Variants in CAST observed in about 807,000 individuals in gnomAD.
The protein encoded by CAST is MIR583 host.
A neutral mutation model predicts 119.6 loss-of-function variants in CAST; 76 were observed. The ratio of observed to expected loss-of-function variants is 0.64; its 90% CI spans 0.53 to 0.77. The LOEUF is 0.77. CAST is among the 30% of genes least tolerant of loss of function. The pLI is 0.00. For missense variants in CAST, 953 were observed against 946.5 expected, an observed-to-expected ratio of 1.01 and a Z score of -0.09; for synonymous variants, 319 against 331.6, an observed-to-expected ratio of 0.96 and a Z score of 0.41.
chr5:96,454,343 T>C, the CAST span, among the ~76,000 whole-genome samples: 2 of 152,226 alleles, frequency 1.3e-5, no homozygotes, highest in South Asian at 2.1e-4. Context: ...AAGCCTATAT[T>C]TGAACCTAGG....
the CAST span, among the ~76,000 whole-genome samples, chr5:96,333,402 C>T: frequency 1.3e-5 from 2 of 152,164 alleles, no homozygotes; most frequent in South Asian, 2.1e-4. Flanking sequence ...CCTAGGTGGC[C>T]GGGCAAGTCT....
the CAST span, among the ~76,000 whole-genome samples, chr5:96,479,742 C>A: frequency 6.9e-3 from 1,047 of 152,198 alleles, 11 homozygotes; most frequent in African/African-American, 0.024. Context: ...GCCATGGCAC[C>A]CGGCTGGCAC....
chr5:96,746,555 A>T (rs1430419905), intron 17 of CAST, 130 bp downstream of exon 17: 1 of 716,964 alleles, frequency 1.4e-6, no homozygotes, highest in East Asian at 2.5e-5. Flanking sequence ...AAAACCCTGA[A>T]CCTTTTTTTC....
chr5:96,026,977 G>A, the CAST span, among the ~76,000 whole-genome samples: 7 of 152,124 alleles, frequency 4.6e-5, no homozygotes, highest in Non-Finnish European at 7.4e-5. Context: ...AGGAGACTGA[G>A]AAGCAGGAGG....
intron 1 of CAST, among the ~76,000 whole-genome samples, chr5:96,627,459 T>C (rs1401995917): frequency 1.3e-5 from 2 of 152,214 alleles, no homozygotes; most frequent in African/African-American, 4.8e-5. Context: ...ATGTTACATA[T>C]AACTTTTTCT....
chr5:96,539,340 A>G (rs138960983), intron 1 of CAST, among the ~76,000 whole-genome samples: 12 of 152,350 alleles, frequency 7.9e-5, no homozygotes, highest in Admixed American at 7.2e-4. Flanking sequence ...ATAAATATTT[A>G]GAATTGCATG....
chr5:96,473,032 T>G, the CAST span, among the ~76,000 whole-genome samples: 1 of 152,220 alleles, frequency 6.6e-6, no homozygotes, highest in Non-Finnish European at 1.5e-5. Flanking sequence ...TGTATGGGTC[T>G]CTGTGTCCAG....
chr5:96,111,449 A>G, the CAST span, among the ~76,000 whole-genome samples: 2 of 152,188 alleles, frequency 1.3e-5, no homozygotes, highest in Non-Finnish European at 2.9e-5. Flanking sequence ...GATTAGCTCA[A>G]TCTCCAGCTC....
the CAST span, among the ~76,000 whole-genome samples, chr5:96,049,889 CA>C: frequency 0.14 from 4,905 of 34,036 alleles, 9 homozygotes; most frequent in Non-Finnish European, 0.17. Context: ...GAACAGGAGG[CA>C]AAAAAAAAAA....
the CAST span, among the ~76,000 whole-genome samples, chr5:96,359,279 T>C: frequency 1.7e-3 from 254 of 152,322 alleles, 1 homozygote; most frequent in African/African-American, 5.9e-3. Context: ...GGGTCTTGAC[T>C]CTTTTTCCAA....
At chr5:96,060,164 G>C in the CAST span, among the ~76,000 whole-genome samples, 1 of 152,160 alleles carries the variant, frequency 6.6e-6, no homozygotes, top group African/African-American at 2.4e-5. Flanking sequence ...GGATCAGAAA[G>C]AGTTTGCATT....
the CAST span, among the ~76,000 whole-genome samples, chr5:96,249,712 C>T: frequency 6.6e-6 from 1 of 152,186 alleles, no homozygotes; most frequent in South Asian, 2.1e-4. Flanking sequence ...ATCCACTTCA[C>T]AGGGACACAA....
the CAST span, among the ~76,000 whole-genome samples, chr5:96,061,062 A>G: frequency 4.0e-5 from 6 of 151,890 alleles, no homozygotes; most frequent in African/African-American, 1.5e-4. Flanking sequence ...AACCGTTAGG[A>G]CTCCATTCAA....
At chr5:96,469,561 C>A in the CAST span, among the ~76,000 whole-genome samples, 4 of 151,798 alleles carry the variant, frequency 2.6e-5, no homozygotes, top group Non-Finnish European at 5.9e-5. Context: ...AGGTTGTTGA[C>A]TCTGAGGGGT....
chr5:96,200,375 C>T, the CAST span, among the ~76,000 whole-genome samples: 2 of 151,946 alleles, frequency 1.3e-5, no homozygotes, highest in East Asian at 1.9e-4. Context: ...GAATTCAAAC[C>T]GAAAAAGGGC....
the CAST span, chr5:96,412,976 G>A: frequency 1.0e-6 from 1 of 1,001,076 alleles, no homozygotes; most frequent in Non-Finnish European, 1.2e-6. Flanking sequence ...CCTCATGGCT[G>A]TCCCACAAAT....
the CAST span, among the ~76,000 whole-genome samples, chr5:96,120,905 A>AT: frequency 1.3e-5 from 2 of 151,700 alleles, no homozygotes; most frequent in African/African-American, 4.8e-5. Flanking sequence ...CCAGATAGCC[A>AT]TTTTGGCTTA....
At chr5:96,731,070 G>A (rs2150451516) in intron 9 of CAST, among the ~76,000 whole-genome samples, 1 of 152,264 alleles carries the variant, frequency 6.6e-6, no homozygotes, top group South Asian at 2.1e-4. Flanking sequence ...TGCTTACTGA[G>A]TACATGCCAT....
the CAST span, among the ~76,000 whole-genome samples, chr5:96,055,251 AT>A: frequency 3.3e-5 from 5 of 151,860 alleles, no homozygotes; most frequent in African/African-American, 9.7e-5. Context: ...TCATATTGAC[AT>A]TTTCCTTCTC....
Sources: allele counts gnomAD v4.1 joint callset (sites outside exome capture counted in the v4.1 genomes callset), GRCh38; gene constraint gnomAD v4.1.1; transcripts MANE v1.5; gene names NCBI Gene and HGNC (gene_info 2026-07-23, HGNC 2026-07-21).